AFG2A: variants seen among roughly 807,000 people sequenced by gnomAD.
AFG2A encodes the protein ATPase family gene 2 protein homolog A.
the AFG2A span, among the ~76,000 whole-genome samples, chr4:122,962,958 G>A: frequency 1.3e-5 from 2 of 152,268 alleles, no homozygotes; most frequent in Middle Eastern, 3.4e-3. Context: ...TAACTTGGAA[G>A]ACTTTGAATT....
At chr4:123,128,896 T>A in the AFG2A span, among the ~76,000 whole-genome samples, 1 of 152,178 alleles carries the variant, frequency 6.6e-6, no homozygotes, top group Non-Finnish European at 1.5e-5. Context: ...AATGGAGAAT[T>A]ATCTGTAAGA....
At chr4:123,255,791 A>G in the AFG2A span, among the ~76,000 whole-genome samples, 1 of 136,218 alleles carries the variant, frequency 7.3e-6, no homozygotes, top group Non-Finnish European at 1.5e-5. Context: ...AAGTGCTGGG[A>G]TTACAGGCGT....
the AFG2A span, among the ~76,000 whole-genome samples, chr4:123,196,189 T>TTTTTTTTC: frequency 6.8e-6 from 1 of 146,282 alleles, no homozygotes; most frequent in Non-Finnish European, 1.5e-5. Flanking sequence ...TTTTTTTTTT[T>TTTTTTTTC]TAGTAGGGAT....
chr4:122,994,682 G>T, the AFG2A span, among the ~76,000 whole-genome samples: 1 of 151,268 alleles, frequency 6.6e-6, no homozygotes, highest in Non-Finnish European at 1.5e-5. Context: ...CATTAGAGAG[G>T]TAGTACTCCA....
At chr4:123,168,083 C>T in the AFG2A span, among the ~76,000 whole-genome samples, 2 of 152,148 alleles carry the variant, frequency 1.3e-5, no homozygotes, top group Non-Finnish European at 2.9e-5. Flanking sequence ...TAATAACAGG[C>T]CTGCTGCCAG....
chr4:123,170,776 T>G, the AFG2A span, among the ~76,000 whole-genome samples: 2 of 152,134 alleles, frequency 1.3e-5, no homozygotes, highest in South Asian at 2.1e-4. Context: ...ATAATTTAGT[T>G]TATGATTTTT....
At chr4:123,208,530 T>C in the AFG2A span, among the ~76,000 whole-genome samples, 1 of 152,212 alleles carries the variant, frequency 6.6e-6, no homozygotes, top group Non-Finnish European at 1.5e-5. Flanking sequence ...AGCCACTGAT[T>C]TGGATAGTAA....
chr4:123,109,514 A>G, the AFG2A span, among the ~76,000 whole-genome samples: 2 of 152,182 alleles, frequency 1.3e-5, no homozygotes, highest in Non-Finnish European at 2.9e-5. Flanking sequence ...TGTTAGAACT[A>G]AGAAATACTC....
chr4:122,939,677 A>G, the AFG2A span, among the ~76,000 whole-genome samples: 1 of 152,044 alleles, frequency 6.6e-6, no homozygotes, highest in Non-Finnish European at 1.5e-5. Context: ...CATGTGCACA[A>G]TGTGCAGGTT....
At chr4:123,015,801 G>T in the AFG2A span, among the ~76,000 whole-genome samples, 1 of 136,612 alleles carries the variant, frequency 7.3e-6, no homozygotes, top group Non-Finnish European at 1.6e-5. Flanking sequence ...CGGGCGGCTC[G>T]GGTGGGGGGC....
the AFG2A span, among the ~76,000 whole-genome samples, chr4:123,118,475 C>G: frequency 6.6e-6 from 1 of 151,038 alleles, no homozygotes; most frequent in East Asian, 1.9e-4. Flanking sequence ...ATCTTTTTCT[C>G]TCAGTAAATG....
At chr4:123,074,578 T>A in the AFG2A span, among the ~76,000 whole-genome samples, 2 of 152,114 alleles carry the variant, frequency 1.3e-5, no homozygotes, top group South Asian at 2.1e-4. Flanking sequence ...ATTTTTATTA[T>A]AGTTTTTAGG....
At chr4:123,088,305 G>A in the AFG2A span, among the ~76,000 whole-genome samples, 4 of 152,032 alleles carry the variant, frequency 2.6e-5, no homozygotes, top group Non-Finnish European at 5.9e-5. Flanking sequence ...CCTGAGACCT[G>A]TCCATATTAC....
At chr4:123,221,985 C>G in the AFG2A span, among the ~76,000 whole-genome samples, 1 of 152,028 alleles carries the variant, frequency 6.6e-6, no homozygotes, top group African/African-American at 2.4e-5. Context: ...TTGAACAACA[C>G]TGATCTAAAG....
chr4:123,113,009 C>A, the AFG2A span, among the ~76,000 whole-genome samples: 1 of 152,070 alleles, frequency 6.6e-6, no homozygotes, highest in Admixed American at 6.5e-5. Context: ...AGTGTGGAGT[C>A]ATTCATATAT....
the AFG2A span, among the ~76,000 whole-genome samples, chr4:123,069,756 A>G: frequency 6.6e-6 from 1 of 152,216 alleles, no homozygotes; most frequent in Admixed American, 6.5e-5. Context: ...ATAAATAACT[A>G]CTTGAGGAAT....
chr4:123,309,251 A>C, the AFG2A span, among the ~76,000 whole-genome samples: 2 of 152,330 alleles, frequency 1.3e-5, no homozygotes, highest in Admixed American at 6.5e-5. Context: ...ATTTTTAAAT[A>C]ATACAAATTT....
the AFG2A span, among the ~76,000 whole-genome samples, chr4:122,961,975 A>G: frequency 9.2e-5 from 14 of 152,338 alleles, no homozygotes; most frequent in South Asian, 2.9e-3. Flanking sequence ...TGTGGAAGAC[A>G]GTTTTTCCAT....
the AFG2A span, among the ~76,000 whole-genome samples, chr4:123,268,941 A>G: frequency 6.6e-6 from 1 of 152,122 alleles, no homozygotes; most frequent in African/African-American, 2.4e-5. Context: ...TCACTATTTG[A>G]CTCTATTTTT....
Sources: allele counts gnomAD v4.1 joint callset (sites outside exome capture counted in the v4.1 genomes callset), GRCh38; gene constraint gnomAD v4.1.1; transcripts MANE v1.5; gene names NCBI Gene and HGNC (gene_info 2026-07-23, HGNC 2026-07-21).